Variants in CRAMP1 observed in about 807,000 individuals in gnomAD.
CRAMP1 encodes the protein protein cramped-like.
Under a neutral mutation model 115.4 loss-of-function variants are expected in CRAMP1, and 50 were observed. The ratio of observed to expected loss-of-function variants is 0.43; its 90% CI spans 0.35 to 0.55. CRAMP1 has a LOEUF of 0.55. CRAMP1 is among the 20% of genes least tolerant of loss of function. CRAMP1 has a pLI of 0.01. For synonymous variants in CRAMP1, 866 were observed against 745.4 expected (o/e 1.16, Z -2.64); for missense variants, 1,679 against 1,721.7 (o/e 0.98, Z 0.44).
At position 1,614,983 on chromosome 16, in the gene CRAMP1, A is replaced by G; in HGVS notation, c.344A>G (p.Lys115Arg). 1 of 1,251,088 alleles carries G rather than the reference A, an allele frequency of 8.0e-7. No homozygotes were observed. The highest frequency in any genetic ancestry group is 1.0e-6 in the Non-Finnish European group (1 of 996,872). 77.5% of individuals were successfully genotyped at this position (1,251,088 alleles called of 1,614,324 possible). A position where few individuals can be genotyped will look rare whatever the true frequency, so the allele number is the denominator to read the frequency against. Residue 115 changes from lysine (K) to arginine (R), a missense_variant and splice_region_variant, in exon 2 of 21, where the codon AAA (lysine) becomes AGA (arginine). Around this residue, in one of 8 missense-constraint regions of CRAMP1, gnomAD observed 264 missense variants for 229.7 expected, o/e 1.15. Coordinates refer to ENST00000397412, the MANE Select transcript of CRAMP1 (RefSeq NM_020825.4). The surrounding 1 kb of genome is among the most constrained non-coding windows in gnomAD (Gnocchi z 4.4). ...GNAGGSGPRG[K>R]GAEGGGSSSG... is the part of the protein sequence containing the mutation. The stretch of plus-strand genomic sequence containing the variant: ...GCCGGTGGCTCGGGGCCCCGCGGAA[A>G]AGGTAGGGCGGCCCGTCCCCTTGGG...
At chr16:1,651,214 G>T (rs928317250) in intron 6 of CRAMP1, among the ~76,000 whole-genome samples, 3 of 149,632 alleles carry the variant, frequency 2.0e-5, no homozygotes, top group Non-Finnish European at 4.5e-5. Context: ...CAAAAAGGTG[G>T]ACTCAGAGGT....
intron 13 of CRAMP1, among the ~76,000 whole-genome samples, chr16:1,663,291 C>T (rs867459101): frequency 6.6e-6 from 1 of 152,132 alleles, no homozygotes. Flanking sequence ...CATTCTGACG[C>T]ATAAAAATAC....
intron 1 of CRAMP1, among the ~76,000 whole-genome samples, chr16:1,612,904 G>A (rs1020557175): frequency 1.3e-5 from 2 of 152,060 alleles, no homozygotes; most frequent in East Asian, 1.9e-4. Context: ...CGAAAAGGAG[G>A]CCATCCCCCT....
chr16:1,651,529 C>T (rs567859893), intron 6 of CRAMP1, among the ~76,000 whole-genome samples: 6 of 147,712 alleles, frequency 4.1e-5, no homozygotes, highest in East Asian at 2.1e-4. Flanking sequence ...TAGAGGTGGA[C>T]TGAGGTCACA....
At chr16:1,644,346 A>T (rs2036656697) in intron 6 of CRAMP1, among the ~76,000 whole-genome samples, 2 of 152,194 alleles carry the variant, frequency 1.3e-5, no homozygotes, top group Admixed American at 6.5e-5. Context: ...GCTGCTGAAT[A>T]GTGTGTTCAT....
intron 11 of CRAMP1, among the ~76,000 whole-genome samples, chr16:1,661,094 C>G (rs1345959980): frequency 2.6e-5 from 4 of 152,076 alleles, no homozygotes; most frequent in African/African-American, 9.7e-5. Flanking sequence ...CCTTGGGAAA[C>G]CAAGGCAAGA....
At chr16:1,645,369 G>A in intron 6 of CRAMP1, 1 of 252,142 alleles carries the variant, frequency 4.0e-6, no homozygotes, top group South Asian at 3.2e-5. Flanking sequence ...TATATTTTTA[G>A]TACAGACGGA....
At chr16:1,617,026 G>A (rs1464903708) in intron 2 of CRAMP1, among the ~76,000 whole-genome samples, 3 of 150,604 alleles carry the variant, frequency 2.0e-5, no homozygotes, top group East Asian at 1.9e-4. Flanking sequence ...GGGTTTCACC[G>A]TGTTAGCCAG....
At position 1,614,924 on chromosome 16, in the gene CRAMP1, GA is replaced by G; in HGVS notation, c.287del (p.Lys96ArgfsTer51). On this transcript the variant is annotated frameshift_variant, in exon 2 of 21. Coordinates refer to ENST00000397412, the MANE Select transcript of CRAMP1 (RefSeq NM_020825.4). LOFTEE classifies it high-confidence loss of function. The surrounding 1 kb of genome is among the most constrained non-coding windows in gnomAD (Gnocchi z 4.4). The part of the protein sequence containing the change: ...SVRPQSKRPR[K>X]DPPSAVGSGN... ...TGCGGCCGCAGAGCAAGAGGCCCAG[GA>G]AGGATCCTCCGAGCGCTGTGGGGAG... 7.7e-7 allele frequency: 1 copy of G among 1,295,342 alleles called. No individual in the cohort carries two copies. Among genetic ancestry groups the G allele is most frequent in the Non-Finnish European group, 9.8e-7 (1 of 1,023,846 alleles). The allele number at this position is 1,295,342 out of a possible 1,614,324, so 80.2% of individuals were successfully genotyped here. A position where few individuals can be genotyped will look rare whatever the true frequency, so the allele number is the denominator to read the frequency against.
intron 6 of CRAMP1, among the ~76,000 whole-genome samples, chr16:1,646,463 C>T (rs2036675141): frequency 6.6e-6 from 1 of 152,210 alleles, no homozygotes; most frequent in Non-Finnish European, 1.5e-5. Context: ...TGACTCATGA[C>T]ACCGAGTGTC....
chr16:1,646,178 G>C (rs2036672822), intron 6 of CRAMP1, among the ~76,000 whole-genome samples: 2 of 152,308 alleles, frequency 1.3e-5, no homozygotes, highest in Non-Finnish European at 2.9e-5. Flanking sequence ...TCCAAGTGGA[G>C]GGACCCAGGG....
chr16:1,671,796 T>C lies in CRAMP1; in HGVS notation c.3645+987T>C, dbSNP rs2036925668. 6.6e-6 allele frequency among the ~76,000 whole-genome samples: 1 copy of C among 152,234 alleles called. No homozygotes were observed. The highest frequency in any genetic ancestry group is 2.1e-4 in the South Asian group (1 of 4,834). On this transcript the variant is annotated intron_variant, in intron 20 of 20. Transcript: ENST00000397412. This position sits in a 1 kb window ranked among gnomAD's most constrained non-coding sequence, Gnocchi z 5.0. ...ACCTCCGCTACCCAGTATCCGAATGTGAATCGTGACTCTTGAGATGATGAA... is the reference window on the plus strand; with the variant it reads ...ACCTCCGCTACCCAGTATCCGAATGCGAATCGTGACTCTTGAGATGATGAA...
intron 6 of CRAMP1, among the ~76,000 whole-genome samples, chr16:1,651,057 C>T (rs997854861): frequency 5.3e-5 from 8 of 152,216 alleles, no homozygotes; most frequent in Non-Finnish European, 1.0e-4. Context: ...GGATTGAGGT[C>T]ACACAGAGGT....
intron 5 of CRAMP1, among the ~76,000 whole-genome samples, chr16:1,639,333 G>GGGTGGGAGTGGGCCCGGACGT (rs1223265462): frequency 1.3e-5 from 2 of 151,954 alleles, no homozygotes; most frequent in Non-Finnish European, 2.9e-5. Flanking sequence ...ACACTCCACA[G>GGGTGGGAGTGGGCCCGGACGT]GGTGGGAGTG....
chr16:1,663,547 A>T (rs1382339857), intron 13 of CRAMP1, among the ~76,000 whole-genome samples: 1 of 152,222 alleles, frequency 6.6e-6, no homozygotes, highest in South Asian at 2.1e-4. Flanking sequence ...GACCACTTCC[A>T]GCCTGACTGT....
In CRAMP1 at chr16:1,655,846, C is replaced by T. The variant is rs142095734; in HGVS notation, c.1120-31C>T. On this transcript the variant is annotated intron_variant, in intron 9 of 20. Transcript: ENST00000397412. The stretch of plus-strand genomic sequence containing the variant: ...GTCAGCATCCCGACCTCAGTGCTAG[C>T]CAGTGTGGGCCTTCCTTGACGGGCA... 1.1e-4 allele frequency: 182 copies of T among 1,584,244 alleles called. No homozygotes were observed. In the East Asian group the frequency reaches 4.1e-3, roughly 35 times the overall value.
Position 1,614,272 on chromosome 16 carries a change from C to G in CRAMP1, c.-1-367C>G, listed in dbSNP as rs1213347811. Among the ~76,000 whole-genome samples, 4 of 146,404 alleles carry G rather than the reference C, an allele frequency of 2.7e-5. No homozygotes were observed. Among genetic ancestry groups the G allele is most frequent in the Non-Finnish European group, 4.6e-5 (3 of 65,688 alleles). On this transcript the variant is annotated intron_variant, in intron 1 of 20. Coordinates refer to ENST00000397412, the MANE Select transcript of CRAMP1 (RefSeq NM_020825.4). The surrounding 1 kb of genome is among the most constrained non-coding windows in gnomAD (Gnocchi z 4.4). ...CGGGGCAGCGGCCCGGACCCGCAAC[C>G]GTGCCCAGACCCGCGCCCGCGCCGG...
chr16:1,666,492 G>T lies in CRAMP1; in HGVS notation c.2928G>T (p.Glu976Asp). 1.2e-6 allele frequency: 2 copies of T among 1,613,962 alleles called. No individual in the cohort carries two copies. Among genetic ancestry groups the T allele is most frequent in the Non-Finnish European group, 1.7e-6 (2 of 1,179,878 alleles). ...SGNPLPALDT[E>D]GLSGISPLSS... ...ACCCCCTCCCTGCCTTGGACACCGA[G>T]GGCTTGTCTGGCATCTCTCCACTGT... Residue 976 changes from glutamate to aspartate, a missense_variant, in exon 16 of 21, where the codon GAG becomes GAT. Coordinates refer to ENST00000397412, the MANE Select transcript of CRAMP1 (RefSeq NM_020825.4). The surrounding 1 kb of genome is among the most constrained non-coding windows in gnomAD (Gnocchi z 5.0).
intron 2 of CRAMP1, among the ~76,000 whole-genome samples, chr16:1,622,134 C>T (rs2036470170): frequency 1.3e-5 from 2 of 152,208 alleles, no homozygotes; most frequent in Admixed American, 1.3e-4. Flanking sequence ...AGCAGTGAAG[C>T]CACTTCTGCA....
Sources: allele counts gnomAD v4.1 joint callset (sites outside exome capture counted in the v4.1 genomes callset), GRCh38; gene constraint gnomAD v4.1.1; regional missense constraint gnomAD v4.1.1; non-coding constraint Gnocchi (gnomAD v3.1); transcripts MANE v1.5; gene names NCBI Gene and HGNC (gene_info 2026-07-23, HGNC 2026-07-21).